MEGF11: variants seen among roughly 807,000 people sequenced by gnomAD.
The protein encoded by MEGF11 is multiple epidermal growth factor-like domains protein 11.
A neutral mutation model predicts 146.6 loss-of-function variants in MEGF11; 126 were observed. The ratio of observed to expected loss-of-function variants is 0.86; its 90% confidence interval spans 0.74 to 1.00. MEGF11 has a LOEUF of 1.00. MEGF11 is among the 50% of genes least tolerant of loss of function. The probability of loss-of-function intolerance (pLI) is 0.00; values close to 1 mark genes in which losing one functional copy is unlikely to be tolerated. For missense variants in MEGF11, 1,509 were observed against 1,521.2 expected, an observed-to-expected ratio of 0.99 and a Z score of 0.13; for synonymous variants, 532 against 583.4, an observed-to-expected ratio of 0.91 and a Z score of 1.27.
chr15:66,197,688 C>T (rs1315053575), intron 1 of MEGF11, among the ~76,000 whole-genome samples: 5 of 152,202 alleles, frequency 3.3e-5, no homozygotes. Flanking sequence ...TCCCAAAGTG[C>T]TGGGATTACA....
At chr15:66,207,553 A>T (rs2091331517) in intron 1 of MEGF11, among the ~76,000 whole-genome samples, 1 of 152,256 alleles carries the variant, frequency 6.6e-6, no homozygotes, top group Admixed American at 6.5e-5. Context: ...CTACTAAAGG[A>T]AGTCTTTCAG....
At chr15:66,200,067 C>A (rs1460020277) in intron 1 of MEGF11, among the ~76,000 whole-genome samples, 5 of 152,216 alleles carry the variant, frequency 3.3e-5, no homozygotes, top group Non-Finnish European at 2.9e-5. Flanking sequence ...GGTATAACCT[C>A]AACTATGAAT....
At chr15:66,183,998 T>C (rs1478167878) in intron 1 of MEGF11, among the ~76,000 whole-genome samples, 1 of 152,168 alleles carries the variant, frequency 6.6e-6, no homozygotes, top group Admixed American at 6.5e-5. Context: ...TAAACTATGC[T>C]TCCATTTATA....
chr15:66,022,243 G>GCTCC (rs1403247107), intron 5 of MEGF11, among the ~76,000 whole-genome samples: 1 of 152,230 alleles, frequency 6.6e-6, no homozygotes, highest in African/African-American at 2.4e-5. Flanking sequence ...GATTCCATCA[G>GCTCC]ATGTACTCTC....
chr15:66,049,315 C>G (rs2084356521), intron 5 of MEGF11, among the ~76,000 whole-genome samples: 2 of 152,284 alleles, frequency 1.3e-5, no homozygotes, highest in South Asian at 4.1e-4. Flanking sequence ...GTACCTGGGG[C>G]TCCTGGGTCA....
chr15:65,994,979 G>A (rs759493568), intron 5 of MEGF11, among the ~76,000 whole-genome samples: 1 of 152,250 alleles, frequency 6.6e-6, no homozygotes, highest in Non-Finnish European at 1.5e-5. Flanking sequence ...CACATGAGAT[G>A]CTGAAGGCTG....
intron 5 of MEGF11, among the ~76,000 whole-genome samples, chr15:66,026,119 C>A (rs1400812694): frequency 6.6e-6 from 1 of 152,236 alleles, no homozygotes; most frequent in East Asian, 1.9e-4. Flanking sequence ...GGATTTCCCC[C>A]ACTCCCCAAA....
chr15:66,182,712 T>C (rs2090584578), intron 1 of MEGF11, among the ~76,000 whole-genome samples: 1 of 152,176 alleles, frequency 6.6e-6, no homozygotes, highest in Non-Finnish European at 1.5e-5. Context: ...ACATAACTAT[T>C]CAGATCTTCT....
In MEGF11 at chr15:65,897,889, C is replaced by T; in HGVS notation, c.*45G>A. On this transcript the variant is annotated 3_prime_UTR_variant, in exon 26 of 26. Transcript: ENST00000395614. ...TCAAGGGACTGTCTTCTTTCAGAGTCAGAATATTCAGTAGAGCACACTGCA... is the reference window on the plus strand; with the variant it reads ...TCAAGGGACTGTCTTCTTTCAGAGTTAGAATATTCAGTAGAGCACACTGCA... The T allele has an allele frequency of 6.4e-7, 1 of 1,565,296 alleles. No homozygotes were observed. The highest frequency in any genetic ancestry group is 8.7e-7 in the Non-Finnish European group (1 of 1,150,832).
intron 5 of MEGF11, among the ~76,000 whole-genome samples, chr15:66,077,439 A>G (rs1294320062): frequency 1.3e-5 from 2 of 152,180 alleles, no homozygotes; most frequent in Non-Finnish European, 2.9e-5. Context: ...CCTACTCCCC[A>G]TAGGTGAGAA....
chr15:65,904,471 A>G (rs1406440018), intron 24 of MEGF11, among the ~76,000 whole-genome samples: 1 of 152,204 alleles, frequency 6.6e-6, no homozygotes, highest in African/African-American at 2.4e-5. Flanking sequence ...TGTATATCCT[A>G]ACAAAGGCCG....
At chr15:66,157,180 C>T (rs1353692652) in intron 1 of MEGF11, among the ~76,000 whole-genome samples, 1 of 152,150 alleles carries the variant, frequency 6.6e-6, no homozygotes, top group Non-Finnish European at 1.5e-5. Flanking sequence ...ATTGACAACC[C>T]CACACGGACA....
At chr15:65,937,274 G>C (rs573325614) in intron 10 of MEGF11, among the ~76,000 whole-genome samples, 1 of 152,310 alleles carries the variant, frequency 6.6e-6, no homozygotes, top group African/African-American at 2.4e-5. Flanking sequence ...GCCAGGATGA[G>C]AGCCAGGGTT....
rs180747361 is a variant in MEGF11 at position 66,080,560 on chromosome 15, C to A, written c.394+13842G>T. Among the ~76,000 whole-genome samples, 900 of 152,348 alleles carry A rather than the reference C, an allele frequency of 5.9e-3. 6 individuals are homozygous for A. The highest frequency in any genetic ancestry group is 9.5e-3 in the Admixed American group (146 of 15,304). On this transcript the variant is annotated intron_variant, in intron 5 of 25. Transcript: ENST00000395614. ...ATGCTCTCCTCATCTCTGAACCCCCCATTTGGTCCTGAACCCTGGGCACTG... is the reference window on the plus strand; with the variant it reads ...ATGCTCTCCTCATCTCTGAACCCCCAATTTGGTCCTGAACCCTGGGCACTG...
intron 1 of MEGF11, among the ~76,000 whole-genome samples, chr15:66,216,607 A>T (rs887205858): frequency 6.6e-6 from 1 of 152,102 alleles, no homozygotes; most frequent in Non-Finnish European, 1.5e-5. Flanking sequence ...CAAACCAAAG[A>T]AGGGAGGCAG....
At chr15:66,129,223 T>A (rs1205664688) in intron 1 of MEGF11, among the ~76,000 whole-genome samples, 2 of 151,966 alleles carry the variant, frequency 1.3e-5, no homozygotes, top group East Asian at 3.9e-4. Flanking sequence ...CCAGTGGGAG[T>A]GGCTGAAGTG....
At chr15:65,924,665 A>G (rs2079305338) in intron 13 of MEGF11, among the ~76,000 whole-genome samples, 2 of 125,884 alleles carry the variant, frequency 1.6e-5, no homozygotes, top group South Asian at 2.4e-4. Flanking sequence ...GTCTCACTCT[A>G]TCACCCAGGT....
intron 8 of MEGF11, among the ~76,000 whole-genome samples, chr15:65,965,602 TTTTTTTTTTTC>T (rs1216081012): frequency 3.1e-5 from 1 of 32,264 alleles, no homozygotes; most frequent in African/African-American, 8.0e-5. Flanking sequence ...CTTTCTTTCT[TTTTTTTTTTTC>T]TTTTTTTTTT....
Position 65,922,976 on chromosome 15 carries a change from G to A in MEGF11, c.1676-7C>T, listed in dbSNP as rs1336286962. 2 of 1,611,686 alleles carry A rather than the reference G, an allele frequency of 1.2e-6. No individual in the cohort carries two copies. Among genetic ancestry groups the A allele is most frequent in the Admixed American group, 1.7e-5 (1 of 59,614 alleles). On this transcript the variant is annotated splice_region_variant and splice_polypyrimidine_tract_variant and intron_variant, in intron 13 of 25. Transcript: ENST00000395614. ...GTGCTGTCACAGCGGATGCCTGTGG[G>A]CCAGAGGCAGACTCGGGTCAGTGGT...
Sources: gnomAD v4.1 joint callset for allele counts (sites outside exome capture counted in the v4.1 genomes callset) on GRCh38, gnomAD v4.1.1 for gene constraint, MANE v1.5 for transcripts, NCBI Gene and HGNC (gene_info 2026-07-23, HGNC 2026-07-21) for gene names.